Variants in RARB observed in about 807,000 individuals in gnomAD.
The protein encoded by RARB is retinoic acid receptor beta, also known as HBV-activated protein.
RARB carries 17 observed loss-of-function variants against 51.9 expected under a neutral mutation model. The ratio of observed to expected loss-of-function variants is 0.33; its 90% CI spans 0.22 to 0.49. RARB has a LOEUF of 0.49. RARB is among the 20% of genes least tolerant of loss of function. The pLI is 0.99. For missense variants in RARB, 369 were observed against 550.8 expected, an observed-to-expected ratio of 0.67 and a Z score of 3.30; for synonymous variants, 215 against 195.4, an observed-to-expected ratio of 1.10 and a Z score of -0.84.
At chr3:24,974,019 G>T (rs553311186) in intron 2 of RARB, among the ~76,000 whole-genome samples, 11 of 152,084 alleles carry the variant, frequency 7.2e-5, no homozygotes, top group Non-Finnish European at 1.3e-4. Flanking sequence ...GGATATTCTT[G>T]TCTTGTTCCA....
At chr3:25,550,412 G>C (rs1398992403) in intron 3 of RARB, among the ~76,000 whole-genome samples, 2 of 152,052 alleles carry the variant, frequency 1.3e-5, no homozygotes, top group East Asian at 3.9e-4. Context: ...ACCAGGAGAT[G>C]CCTAGTGAGG....
chr3:25,484,574 C>G (rs1400756800), intron 2 of RARB, among the ~76,000 whole-genome samples: 2 of 151,150 alleles, frequency 1.3e-5, no homozygotes, highest in African/African-American at 4.9e-5. Flanking sequence ...ATTTTAAATG[C>G]TTGAAAAAAA....
upstream of RARB, chr3:25,428,145 T>C (rs1253105376): frequency 6.9e-6 from 7 of 1,012,694 alleles, no homozygotes; most frequent in Non-Finnish European, 8.8e-6. Context: ...TTAAGCTCTG[T>C]GAGAATCCTG....
At chr3:25,041,793 T>G (rs758275518) in intron 2 of RARB, among the ~76,000 whole-genome samples, 1 of 152,102 alleles carries the variant, frequency 6.6e-6, no homozygotes, top group East Asian at 1.9e-4. Context: ...TAATTGAGAA[T>G]GGAGTTGGAA....
In RARB at chr3:25,559,957, A is replaced by AGATG. The variant is rs1256059470; in HGVS notation, c.449-9788_449-9785dup. On this transcript the variant is annotated intron_variant, in intron 3 of 7. Transcript: ENST00000330688. Reference sequence around the variant, plus strand: ...TGGATGTCTATTTGGATGGATAGACAGATGGATGGATGGATGAAAAACACT... The same window carrying AGATG: ...TGGATGTCTATTTGGATGGATAGACAGATGGATGGATGGATGGATGAAAAACACT... Among the ~76,000 whole-genome samples, 5 of 151,920 alleles carry AGATG rather than the reference A, an allele frequency of 3.3e-5. No individual in the cohort carries two copies. In the South Asian group the frequency reaches 1.0e-3, roughly 31 times the overall value.
At position 25,593,711 on chromosome 3, in the gene RARB, C is replaced by A. The variant is rs1323675345; in HGVS notation, c.991+4C>A. 1 of 1,611,812 alleles carries A rather than the reference C, an allele frequency of 6.2e-7. No individual in the cohort carries two copies. Among genetic ancestry groups the A allele is most frequent in the Non-Finnish European group, 8.5e-7 (1 of 1,178,018 alleles). Reference sequence around the variant, plus strand: ...GCCATCTGCTTAATCTGTGGAGGTACCAACTATGTAGAAAAGCCTCATGAA... The same window carrying A: ...GCCATCTGCTTAATCTGTGGAGGTAACAACTATGTAGAAAAGCCTCATGAA... On this transcript the variant is annotated splice_donor_region_variant and intron_variant, in intron 6 of 7. Coordinates refer to ENST00000330688, the MANE Select transcript of RARB (RefSeq NM_000965.5).
intron 2 of RARB, among the ~76,000 whole-genome samples, chr3:24,909,754 A>G (rs572949111): frequency 6.6e-6 from 1 of 152,132 alleles, no homozygotes; most frequent in Non-Finnish European, 1.5e-5. Context: ...CTGCTTACAA[A>G]GTATGTAACC....
intron 1 of RARB, among the ~76,000 whole-genome samples, chr3:25,459,216 A>G (rs1392004917): frequency 6.6e-6 from 1 of 152,226 alleles, no homozygotes. Context: ...GGAAGGTAGC[A>G]TTTGCTTTGT....
chr3:25,040,465 G>A (rs1436542742), intron 2 of RARB, among the ~76,000 whole-genome samples: 1 of 152,246 alleles, frequency 6.6e-6, no homozygotes, highest in African/African-American at 2.4e-5. Context: ...AGGCACAGTG[G>A]GTTACACCTG....
intron 2 of RARB, among the ~76,000 whole-genome samples, chr3:25,044,355 G>C (rs1245451647): frequency 6.6e-6 from 1 of 152,128 alleles, no homozygotes; most frequent in Admixed American, 6.6e-5. Flanking sequence ...ATCTGAGTCT[G>C]CCTACTGTTG....
intron 3 of RARB, among the ~76,000 whole-genome samples, chr3:25,506,422 G>A (rs544301789): frequency 2.0e-5 from 3 of 151,858 alleles, no homozygotes; most frequent in African/African-American, 7.2e-5. Flanking sequence ...CCTGGGCAAC[G>A]TGGCAAGACC....
chr3:25,102,601 A>AAT (rs1699425672), intron 3 of RARB, among the ~76,000 whole-genome samples: 1 of 151,982 alleles, frequency 6.6e-6, no homozygotes, highest in South Asian at 2.1e-4. Context: ...TATATATTTG[A>AAT]ATATATATAT....
At chr3:25,518,955 T>G (rs1038464666) in intron 3 of RARB, among the ~76,000 whole-genome samples, 15 of 152,218 alleles carry the variant, frequency 9.9e-5, no homozygotes, top group African/African-American at 3.6e-4. Context: ...TGGGTGGTGG[T>G]TATAATTAAG....
chr3:25,228,346 T>A (rs1267219904), intron 5 of RARB, among the ~76,000 whole-genome samples: 1 of 151,982 alleles, frequency 6.6e-6, no homozygotes, highest in East Asian at 1.9e-4. Flanking sequence ...TATGTTATTT[T>A]CTCATGTCTG....
At chr3:25,245,766 C>T (rs1160959808) in intron 5 of RARB, among the ~76,000 whole-genome samples, 2 of 152,104 alleles carry the variant, frequency 1.3e-5, no homozygotes, top group African/African-American at 2.4e-5. Context: ...CTTGGTGAAT[C>T]TGACGATGAT....
chr3:25,146,499 G>GTTTTTTTTTTTTTTTTT lies in RARB; in HGVS notation c.-280+14294_-280+14295insTTTTTTTTTTTTTTTTT, dbSNP rs1413825514. Among the ~76,000 whole-genome samples the GTTTTTTTTTTTTTTTTT allele has an allele frequency of 2.9e-5, 3 of 104,384 alleles. 1 individual carries two copies. The highest frequency in any genetic ancestry group is 6.0e-5 in the Non-Finnish European group (3 of 50,220). The allele number at this position is 104,384 out of a possible 152,430, so 68.5% of individuals were successfully genotyped here. A position where few individuals can be genotyped will look rare whatever the true frequency, so the allele number is the denominator to read the frequency against. ...CAGGCTATAATTTGCTAAGTTTTTT[G>GTTTTTTTTTTTTTTTTT]TTTGTTTGTTTGTTTTTTTTTTTTT... On this transcript the variant is annotated intron_variant, in intron 4 of 11. Coordinates refer to the RARB transcript ENST00000383772.
chr3:25,244,619 A>G (rs1338341506), intron 5 of RARB, among the ~76,000 whole-genome samples: 1 of 151,896 alleles, frequency 6.6e-6, no homozygotes, highest in Non-Finnish European at 1.5e-5. Flanking sequence ...TGGTTGTGAG[A>G]TTTTGAGTGA....
chr3:24,969,274 T>C (rs371823833), intron 2 of RARB, among the ~76,000 whole-genome samples: 37 of 152,232 alleles, frequency 2.4e-4, no homozygotes, highest in African/African-American at 7.7e-4. Flanking sequence ...ACAGCTGTTA[T>C]GAAAACCAGC....
At chr3:24,848,468 C>T (rs1315122350) in intron 1 of RARB, among the ~76,000 whole-genome samples, 2 of 152,100 alleles carry the variant, frequency 1.3e-5, no homozygotes, top group Non-Finnish European at 2.9e-5. Context: ...CTAGAGCATT[C>T]TTAAGCCTAT....
Sources: gnomAD v4.1 joint callset for allele counts (sites outside exome capture counted in the v4.1 genomes callset) on GRCh38, gnomAD v4.1.1 for gene constraint, MANE v1.5 for transcripts, NCBI Gene and HGNC (gene_info 2026-07-23, HGNC 2026-07-21) for gene names.